SSU72L6: variants seen among roughly 807,000 people sequenced by gnomAD.
SSU72L6 encodes the protein SSU72 like 6.
At chr7:124,476,857 C>T in the SSU72L6 span, 1 of 767,216 alleles carries the variant, frequency 1.3e-6, no homozygotes, top group Non-Finnish European at 2.4e-6. Flanking sequence ...CCAGTGCCTG[C>T]AGCAGTCCGA....
the SSU72L6 span, chr7:124,476,469 C>A: frequency 2.6e-6 from 2 of 780,410 alleles, no homozygotes; most frequent in Non-Finnish European, 4.8e-6. Flanking sequence ...GGCTAAGTGT[C>A]CGGTCTTTCG....
chr7:124,476,810 G>T, the SSU72L6 span: 1 of 775,810 alleles, frequency 1.3e-6, no homozygotes, highest in South Asian at 1.3e-5. Flanking sequence ...ACCCTGGAAG[G>T]TGCCATCCTG....
chr7:124,476,800 A>G, the SSU72L6 span: 1 of 777,780 alleles, frequency 1.3e-6, no homozygotes. Flanking sequence ...CATCAAAGAT[A>G]CCCTGGAAGG....
chr7:124,477,646 T>TAAAA, the SSU72L6 span, among the ~76,000 whole-genome samples: 1 of 133,032 alleles, frequency 7.5e-6, no homozygotes, highest in Non-Finnish European at 1.7e-5. Context: ...AAAATTTAAA[T>TAAAA]AAAAAAAAAA....
At chr7:124,476,944 T>A in the SSU72L6 span, 1 of 753,916 alleles carries the variant, frequency 1.3e-6, no homozygotes. Flanking sequence ...TCACACCGTC[T>A]GCTTCTACTG....
At chr7:124,476,668 G>C in the SSU72L6 span, 1 of 780,690 alleles carries the variant, frequency 1.3e-6, no homozygotes, top group South Asian at 1.3e-5. Flanking sequence ...AAGATTTCAG[G>C]AATGCACTGA....
At chr7:124,476,923 A>G in the SSU72L6 span, 2 of 763,014 alleles carry the variant, frequency 2.6e-6, no homozygotes, top group Admixed American at 1.7e-5. Flanking sequence ...GAAGGCAGGA[A>G]AAAGCTTTCT....
At chr7:124,476,564 A>G in the SSU72L6 span, 7 of 780,730 alleles carry the variant, frequency 9.0e-6, no homozygotes, top group East Asian at 1.7e-4. Context: ...AAGGAGATGT[A>G]CAATGACCTC....
chr7:124,476,834 T>A, the SSU72L6 span: 2 of 770,782 alleles, frequency 2.6e-6, no homozygotes, highest in Non-Finnish European at 4.8e-6. Context: ...GCTTTCCTCA[T>A]CTGTGAGATT....
chr7:124,476,635 G>A, the SSU72L6 span: 1 of 780,706 alleles, frequency 1.3e-6, no homozygotes, highest in South Asian at 1.3e-5. Context: ...GGGAAGAAAT[G>A]AGAGAATCAA....
the SSU72L6 span, chr7:124,476,801 C>G: frequency 5.1e-6 from 4 of 777,696 alleles, no homozygotes; most frequent in South Asian, 5.4e-5. Flanking sequence ...ATCAAAGATA[C>G]CCTGGAAGGT....
chr7:124,477,049 C>A, the SSU72L6 span: 1 of 613,922 alleles, frequency 1.6e-6, no homozygotes, highest in South Asian at 1.9e-5. Flanking sequence ...AAAGACCTTC[C>A]ACTGAGTGCT....
At chr7:124,477,379 G>GTT in the SSU72L6 span, among the ~76,000 whole-genome samples, 8 of 148,382 alleles carry the variant, frequency 5.4e-5, no homozygotes, top group Non-Finnish European at 1.0e-4. Context: ...AATTTGAGTG[G>GTT]TTTTTTTTTT....
At chr7:124,476,502 A>G in the SSU72L6 span, 1 of 780,708 alleles carries the variant, frequency 1.3e-6, no homozygotes, top group Admixed American at 1.7e-5. Context: ...ATGTGAGGCT[A>G]CCAGGACGAA....
chr7:124,477,440 A>C, the SSU72L6 span, among the ~76,000 whole-genome samples: 17 of 151,970 alleles, frequency 1.1e-4, no homozygotes, highest in African/African-American at 4.1e-4. Context: ...TGGTATATTA[A>C]CTTAAATGTT....
At chr7:124,476,825 C>G in the SSU72L6 span, 1 of 772,172 alleles carries the variant, frequency 1.3e-6, no homozygotes, top group African/African-American at 1.7e-5. Context: ...ATCCTGGGAG[C>G]TTTCCTCATC....
At chr7:124,476,476 T>G in the SSU72L6 span, 1 of 780,554 alleles carries the variant, frequency 1.3e-6, no homozygotes, top group Non-Finnish European at 2.4e-6. Context: ...TGTCCGGTCT[T>G]TCGGAACTGA....
chr7:124,477,396 T>C, the SSU72L6 span, among the ~76,000 whole-genome samples: 1 of 151,946 alleles, frequency 6.6e-6, no homozygotes, highest in Admixed American at 6.6e-5. Flanking sequence ...TTTTAATTTT[T>C]AAATTTTTTA....
At chr7:124,477,019 T>C in the SSU72L6 span, 1 of 640,064 alleles carries the variant, frequency 1.6e-6, no homozygotes. Context: ...TAGTCCAGAT[T>C]GATTGTGAGA....
Sources: gnomAD v4.1 joint callset for allele counts (sites outside exome capture counted in the v4.1 genomes callset) on GRCh38, gnomAD v4.1.1 for gene constraint, MANE v1.5 for transcripts, NCBI Gene and HGNC (gene_info 2026-07-23, HGNC 2026-07-21) for gene names.